Variants in MNT observed in about 807,000 individuals in gnomAD.
The protein encoded by MNT is max-binding protein MNT.
MNT carries 13 observed loss-of-function variants against 40.7 expected under a neutral mutation model. That is an observed-to-expected ratio of 0.32 (90% CI 0.21 to 0.51). MNT has a LOEUF of 0.51. Among genes scored for constraint, MNT ranks in the 20% least tolerant of loss-of-function variants. The pLI is 0.98. For missense variants in MNT, 757 were observed against 792.0 expected (o/e 0.96, Z 0.53); for synonymous variants, 426 against 354.8 (o/e 1.20, Z -2.26).
At chr17:2,393,193 C>G (rs904736060) in intron 4 of MNT, among the ~76,000 whole-genome samples, 42 of 151,480 alleles carry the variant, frequency 2.8e-4, no homozygotes, top group African/African-American at 1.0e-3. Flanking sequence ...CCTACGGCTC[C>G]GCGTCTCCGC....
At chr17:2,397,651 A>C (rs1444303211) in intron 1 of MNT, among the ~76,000 whole-genome samples, 3 of 152,106 alleles carry the variant, frequency 2.0e-5, no homozygotes, top group Admixed American at 2.0e-4. Context: ...GGAAGGACCC[A>C]GTTACACCTG....
At chr17:2,398,245 T>G (rs1490809833) in intron 1 of MNT, among the ~76,000 whole-genome samples, 2 of 152,208 alleles carry the variant, frequency 1.3e-5, no homozygotes, top group African/African-American at 4.8e-5. Context: ...CTATGAACAC[T>G]AGAAATGACC....
chr17:2,394,269 G>GCACGCACGCGCGCACA (rs2066555487), intron 3 of MNT, 36 bp downstream of exon 3: 1 of 1,489,784 alleles, frequency 6.7e-7, no homozygotes, highest in Non-Finnish European at 8.9e-7. Context: ...GCGCGCGCAC[G>GCACGCACGCGCGCACA]CACGCACGCA....
In MNT at chr17:2,386,921, T is replaced by C; in HGVS notation, c.1729A>G (p.Ser577Gly). 2 of 1,484,484 alleles carry C rather than the reference T, an allele frequency of 1.3e-6. No homozygotes were observed. The highest frequency in any genetic ancestry group is 1.8e-6 in the Non-Finnish European group (2 of 1,115,286). 92.0% of individuals were successfully genotyped at this position (1,484,484 alleles called of 1,614,324 possible). A position where few individuals can be genotyped will look rare whatever the true frequency, so the allele number is the denominator to read the frequency against. Residue 577 changes from serine to glycine, a missense_variant, in exon 6 of 6, where the codon AGC becomes GGC. Physicochemically the swap from Ser to Gly is moderately conservative, Grantham distance 56. Coordinates refer to ENST00000174618, the MANE Select transcript of MNT (RefSeq NM_020310.3). ...CGTCCTCAAGCCAGCTTGAGTGTGC[T>C]GACTGGGAAGGAGGGCATGGTGACC... is the stretch of plus-strand genomic sequence containing the variant. ...TMVTMPSFPVSTLKLA is the reference protein window; with the variant it reads ...TMVTMPSFPVGTLKLA
intron 4 of MNT, chr17:2,393,630 A>G (rs957483605): frequency 1.3e-5 from 2 of 152,748 alleles, no homozygotes; most frequent in African/African-American, 4.8e-5. Flanking sequence ...AGATAGCTAC[A>G]GACATTCGGG....
intron 1 of MNT, among the ~76,000 whole-genome samples, chr17:2,395,905 G>A (rs914004840): frequency 3.3e-5 from 5 of 152,138 alleles, no homozygotes. Flanking sequence ...CAGAGGGGGG[G>A]GTGTGCTGAC....
chr17:2,392,220 A>G (rs1443203476), intron 4 of MNT: 1 of 152,190 alleles, frequency 6.6e-6, no homozygotes, highest in African/African-American at 2.4e-5. Context: ...AGAAGCAGAG[A>G]CTTCGCTAAA....
chr17:2,388,761 T>C (rs1254798356), intron 4 of MNT, among the ~76,000 whole-genome samples: 1 of 152,008 alleles, frequency 6.6e-6, no homozygotes, highest in Non-Finnish European at 1.5e-5. Flanking sequence ...ATGACCCAGC[T>C]CCCCTCCACA....
intron 4 of MNT, among the ~76,000 whole-genome samples, chr17:2,393,143 C>T (rs1178713874): frequency 1.3e-5 from 2 of 150,590 alleles, no homozygotes; most frequent in African/African-American, 2.4e-5. Flanking sequence ...CCGCCCACCC[C>T]CCCCCCAACG....
At chr17:2,390,955 T>C (rs1394355104) in intron 4 of MNT, 2 of 152,242 alleles carry the variant, frequency 1.3e-5, no homozygotes, top group African/African-American at 4.8e-5. Context: ...AGGAAGACAG[T>C]AGGAAACTCC....
intron 1 of MNT, among the ~76,000 whole-genome samples, chr17:2,398,933 C>T (rs2066595308): frequency 6.6e-6 from 1 of 152,074 alleles, no homozygotes; most frequent in African/African-American, 2.4e-5. Context: ...GACTCTTGAC[C>T]TTGAGAGGCC....
intron 1 of MNT, 71 bp downstream of exon 1, chr17:2,400,569 C>A (rs2066607961): frequency 1.4e-6 from 2 of 1,450,532 alleles, no homozygotes; most frequent in Non-Finnish European, 1.8e-6. Flanking sequence ...CGCGGTTTCG[C>A]GTGGGTTCGG....
At chr17:2,400,157 A>C (rs566797979) in intron 1 of MNT, among the ~76,000 whole-genome samples, 2 of 150,382 alleles carry the variant, frequency 1.3e-5, no homozygotes, top group South Asian at 4.2e-4. Context: ...CCCCACCCCC[A>C]CTCCGTTACA....
At chr17:2,389,856 G>A (rs1385020054) in intron 4 of MNT, 3 of 152,574 alleles carry the variant, frequency 2.0e-5, no homozygotes, top group Admixed American at 2.0e-4. Flanking sequence ...CCCTGCACCA[G>A]GACTGGGCCA....
intron 5 of MNT, 60 bp from the exon 6 acceptor site, chr17:2,387,709 C>A: frequency 6.3e-7 from 1 of 1,592,630 alleles, no homozygotes; most frequent in East Asian, 2.2e-5. Context: ...TGGCTGGAGG[C>A]GTAGATGCTC....
intron 1 of MNT, among the ~76,000 whole-genome samples, chr17:2,398,458 G>A (rs1013114434): frequency 6.6e-6 from 1 of 152,212 alleles, no homozygotes; most frequent in African/African-American, 2.4e-5. Flanking sequence ...TGGTCAGCAG[G>A]TTCACCTGCC....
At chr17:2,399,055 G>C (rs1203700659) in intron 1 of MNT, among the ~76,000 whole-genome samples, 3 of 149,034 alleles carry the variant, frequency 2.0e-5, no homozygotes, top group East Asian at 4.1e-4. Context: ...CGGCGCGCGC[G>C]CACACAACAC....
chr17:2,386,553 G>A lies in MNT; in HGVS notation c.*348C>T. ...AATAGCAGCAGCAGCACACGAAGGC[G>A]GGGCAGGGCGGGGGAGAAGTCAGGG... On this transcript the variant is annotated 3_prime_UTR_variant, in exon 6 of 6. Transcript: ENST00000174618. 1 of 269,428 alleles carries A rather than the reference G, an allele frequency of 3.7e-6. No individual in the cohort carries two copies. The highest frequency in any genetic ancestry group is 1.3e-4 in the South Asian group (1 of 7,632). The allele number at this position is 269,428 out of a possible 1,614,324, so 16.7% of individuals were successfully genotyped here. A position where few individuals can be genotyped will look rare whatever the true frequency, so the allele number is the denominator to read the frequency against.
At position 2,386,127 on chromosome 17, in the gene MNT, C is replaced by G. The variant is rs2066456905; in HGVS notation, c.*774G>C. Reference sequence around the variant, plus strand: ...TGCAGGGGACGGGGAAGGGGAAGGACAGCCAAGTCCCTCCTTCCCCACCTC... The same window carrying G: ...TGCAGGGGACGGGGAAGGGGAAGGAGAGCCAAGTCCCTCCTTCCCCACCTC... On this transcript the variant is annotated 3_prime_UTR_variant, in exon 6 of 6. Coordinates refer to ENST00000174618, the MANE Select transcript of MNT (RefSeq NM_020310.3). The G allele has an allele frequency of 6.6e-6, 1 of 152,300 alleles. No homozygotes were observed. The highest frequency in any genetic ancestry group is 2.1e-4 in the South Asian group (1 of 4,838). 9.4% of individuals were successfully genotyped at this position (152,300 alleles called of 1,614,324 possible).
Sources: gnomAD v4.1 joint callset for allele counts (sites outside exome capture counted in the v4.1 genomes callset) on GRCh38, gnomAD v4.1.1 for gene constraint, MANE v1.5 for transcripts, NCBI Gene and HGNC (gene_info 2026-07-23, HGNC 2026-07-21) for gene names.